The following CLVS1 variants were observed in gnomAD, a reference collection of about 807,000 sequenced individuals.
CLVS1 encodes the protein clavesin-1.
In CLVS1, 10 loss-of-function variants were observed where a neutral mutation model predicts 33.1. That is an observed-to-expected ratio of 0.30 (90% CI 0.19 to 0.51). CLVS1 has a LOEUF of 0.51. Ranked by LOEUF, CLVS1 falls within the 20% of genes least tolerant of loss-of-function variation. CLVS1 has a pLI of 0.97. For synonymous variants in CLVS1, 163 were observed against 166.1 expected, an observed-to-expected ratio of 0.98 and a Z score of 0.14; for missense variants, 343 against 433.4, an observed-to-expected ratio of 0.79 and a Z score of 1.85.
At chr8:61,079,300 T>A (rs147785889) in intron 1 of CLVS1, among the ~76,000 whole-genome samples, 33 of 152,214 alleles carry the variant, frequency 2.2e-4, no homozygotes, top group Non-Finnish European at 1.6e-4. Context: ...TCACATATGA[T>A]ATTAAGGGAG....
intron 2 of CLVS1, among the ~76,000 whole-genome samples, chr8:61,256,748 T>C (rs1310957629): frequency 6.6e-6 from 1 of 152,240 alleles, no homozygotes; most frequent in Non-Finnish European, 1.5e-5. Flanking sequence ...TTATTAATTG[T>C]GGTTTTTATG....
intron 1 of CLVS1, among the ~76,000 whole-genome samples, chr8:61,115,616 T>C (rs933968308): frequency 2.6e-5 from 4 of 151,678 alleles, no homozygotes; most frequent in Non-Finnish European, 2.9e-5. Context: ...TGAGTGAGAA[T>C]ATGCGGTGTT....
chr8:61,263,827 C>T (rs1009305278), intron 2 of CLVS1, among the ~76,000 whole-genome samples: 1 of 152,094 alleles, frequency 6.6e-6, no homozygotes, highest in African/African-American at 2.4e-5. Context: ...CATGCTTATG[C>T]CATGGGATGG....
intron 3 of CLVS1, among the ~76,000 whole-genome samples, chr8:61,443,668 G>A (rs1032309082): frequency 6.6e-6 from 1 of 151,904 alleles, no homozygotes; most frequent in Admixed American, 6.6e-5. Context: ...TTGAAATTTG[G>A]TAGAATAATT....
intron 2 of CLVS1, among the ~76,000 whole-genome samples, chr8:61,368,138 A>G: frequency 6.6e-6 from 1 of 152,392 alleles, no homozygotes; most frequent in Non-Finnish European, 1.5e-5. Context: ...TAAATCAAAG[A>G]ACTAGAGGGA....
chr8:61,370,742 G>A (rs562631799), intron 2 of CLVS1: 2 of 152,254 alleles, frequency 1.3e-5, no homozygotes, highest in Admixed American at 6.5e-5. Flanking sequence ...ACTTCTAAGT[G>A]AGAAGATATG....
At chr8:61,265,858 T>C (rs1425585494) in intron 2 of CLVS1, among the ~76,000 whole-genome samples, 1 of 152,336 alleles carries the variant, frequency 6.6e-6, no homozygotes, top group East Asian at 1.9e-4. Context: ...TAGCATGCCA[T>C]GATTGCTCCT....
the CLVS1 span, among the ~76,000 whole-genome samples, chr8:60,980,375 G>A: frequency 6.6e-6 from 1 of 152,156 alleles, no homozygotes; most frequent in Non-Finnish European, 1.5e-5. Flanking sequence ...TATGTCATAA[G>A]ACTCAGGGCT....
At chr8:61,185,786 C>T (rs1033900525) in intron 2 of CLVS1, among the ~76,000 whole-genome samples, 9 of 152,102 alleles carry the variant, frequency 5.9e-5, no homozygotes, top group African/African-American at 1.9e-4. Flanking sequence ...CTTTTCAGGG[C>T]TCAGTTTCTT....
chr8:61,163,988 G>A (rs1423753119), intron 2 of CLVS1, among the ~76,000 whole-genome samples: 1 of 152,164 alleles, frequency 6.6e-6, no homozygotes, highest in East Asian at 1.9e-4. Context: ...CAATGGGAGG[G>A]GACCCAAAGG....
In CLVS1 at chr8:61,156,783, G is replaced by A. The variant is rs531141292; in HGVS notation, c.-152+24923G>A. ...AAATCACTGTAGAGTTTATGAAGGG[G>A]AAATAGGAAAATAAAAATTGGTCAG... On this transcript the variant is annotated intron_variant, in intron 2 of 2. Coordinates refer to the CLVS1 transcript ENST00000522621. Among the ~76,000 whole-genome samples the A allele has an allele frequency of 1.1e-4, 16 of 152,210 alleles. No individual in the cohort carries two copies. In the East Asian group the frequency reaches 3.1e-3, roughly 29 times the overall value.
intron 2 of CLVS1, among the ~76,000 whole-genome samples, chr8:61,237,861 G>A (rs1267350611): frequency 1.3e-5 from 2 of 150,806 alleles, no homozygotes; most frequent in South Asian, 2.1e-4. Flanking sequence ...CAGAGGATGT[G>A]TGGTGGGCTT....
chr8:61,131,320 AG>A, intron 1 of CLVS1, among the ~76,000 whole-genome samples: 1 of 152,258 alleles, frequency 6.6e-6, no homozygotes, highest in Non-Finnish European at 1.5e-5. Context: ...AAGGTGATGA[AG>A]GTGCGAATTA....
chr8:61,177,180 A>T (rs1314723512), intron 2 of CLVS1, among the ~76,000 whole-genome samples: 2 of 152,132 alleles, frequency 1.3e-5, no homozygotes, highest in African/African-American at 2.4e-5. Context: ...TGGTCCCAAG[A>T]GGTATTCCCC....
At chr8:61,091,612 A>G (rs1805251557) in intron 1 of CLVS1, among the ~76,000 whole-genome samples, 1 of 152,176 alleles carries the variant, frequency 6.6e-6, no homozygotes, top group African/African-American at 2.4e-5. Context: ...AACAAACTAC[A>G]AAAAAGAACT....
At position 61,372,812 on chromosome 8, in the gene CLVS1, A is replaced by G. The variant is rs1440841721; in HGVS notation, c.456-3793A>G. Among the ~76,000 whole-genome samples the G allele has an allele frequency of 2.6e-5, 4 of 152,150 alleles. No homozygotes were observed. The South Asian group carries it at 8.3e-4, about 31-fold the overall frequency. ...TTGGAATTTGTCTAATGTTTTTCTC[A>G]TGATTACTCTTGGGTTATATTTATT... On this transcript the variant is annotated intron_variant, in intron 2 of 5. Transcript: ENST00000325897.
intron 3 of CLVS1, among the ~76,000 whole-genome samples, chr8:61,439,073 A>G (rs903778942): frequency 6.6e-6 from 1 of 152,226 alleles, no homozygotes; most frequent in East Asian, 1.9e-4. Context: ...TGTTGCTTTG[A>G]ATGACTTCCG....
intron 1 of CLVS1, among the ~76,000 whole-genome samples, chr8:61,291,670 T>C (rs1286547922): frequency 1.3e-5 from 2 of 152,124 alleles, no homozygotes; most frequent in African/African-American, 2.4e-5. Flanking sequence ...TTTTCTCTTC[T>C]TCCCTCCTCC....
At chr8:61,022,064 A>G in the CLVS1 span, among the ~76,000 whole-genome samples, 1 of 152,224 alleles carries the variant, frequency 6.6e-6, no homozygotes, top group African/African-American at 2.4e-5. Context: ...GCTTTTCTTC[A>G]AAGTGTGATT....
Sources: allele counts gnomAD v4.1 joint callset (sites outside exome capture counted in the v4.1 genomes callset), GRCh38; gene constraint gnomAD v4.1.1; transcripts MANE v1.5; gene names NCBI Gene and HGNC (gene_info 2026-07-23, HGNC 2026-07-21).